The following CNTNAP3B variants were observed in gnomAD, a reference collection of about 807,000 sequenced individuals.
CNTNAP3B encodes contactin associated protein family member 3B.
Under a neutral mutation model 108.9 loss-of-function variants are expected in CNTNAP3B, and 25 were observed. The ratio of observed to expected loss-of-function variants is 0.23; its 90% CI spans 0.17 to 0.32. The LOEUF (loss-of-function observed/expected upper bound fraction) is 0.32. Ranked by LOEUF, CNTNAP3B falls within the 10% of genes least tolerant of loss-of-function variation. CNTNAP3B has a pLI of 1.00. For synonymous variants in CNTNAP3B, 103 were observed against 473.4 expected, an observed-to-expected ratio of 0.22 and a Z score of 10.16; for missense variants, 252 against 1,210.4, an observed-to-expected ratio of 0.21 and a Z score of 11.75.
At chr9:41,994,006 C>T (rs1825851345) in intron 7 of CNTNAP3B, 1 of 142,098 alleles carries the variant, frequency 7.0e-6, no homozygotes, top group Non-Finnish European at 1.5e-5. Flanking sequence ...CTGTGGTTCT[C>T]CTTATTGGCT....
At chr9:42,071,978 G>A (rs1315435091) in intron 3 of CNTNAP3B, among the ~76,000 whole-genome samples, 5 of 147,848 alleles carry the variant, frequency 3.4e-5, no homozygotes, top group East Asian at 2.0e-4. Flanking sequence ...TTTGACATCC[G>A]AAAGGAAATG....
chr9:41,937,186 G>T, intron 14 of CNTNAP3B, among the ~76,000 whole-genome samples: 1 of 148,982 alleles, frequency 6.7e-6, no homozygotes, highest in East Asian at 1.9e-4. Flanking sequence ...GGAGTGCAGT[G>T]GCGCGATCTC....
At chr9:42,018,739 G>A (rs1220128461) in intron 3 of CNTNAP3B, among the ~76,000 whole-genome samples, 4 of 151,762 alleles carry the variant, frequency 2.6e-5, no homozygotes, top group African/African-American at 9.7e-5. Context: ...ATGAACACAG[G>A]CTGCGAAGCT....
chr9:41,928,901 C>T (rs1172390102), intron 15 of CNTNAP3B, among the ~76,000 whole-genome samples: 5 of 142,334 alleles, frequency 3.5e-5, no homozygotes, highest in Admixed American at 1.4e-4. Flanking sequence ...ACATTCGGTG[C>T]CATGTAATGT....
chr9:42,024,582 C>T (rs1190028348), intron 3 of CNTNAP3B, among the ~76,000 whole-genome samples: 1 of 102,672 alleles, frequency 9.7e-6, no homozygotes, highest in African/African-American at 4.0e-5. Context: ...GCAGCAAGAA[C>T]AGACAGAAGG....
In CNTNAP3B at chr9:42,129,126, GC is replaced by G; in HGVS notation, c.-33del. The G allele has an allele frequency of 6.5e-7, 1 of 1,538,610 alleles. No homozygotes were observed. On this transcript the variant is annotated 5_prime_UTR_variant, in exon 1 of 24. Coordinates refer to ENST00000377561, the MANE Select transcript of CNTNAP3B (RefSeq NM_001201380.3). The stretch of plus-strand genomic sequence containing the variant: ...TTCAGCCAGGCGCCCTGAGACCCGG[GC>G]ACGGCGACGGCCGCTCTGCGTCGTT...
At chr9:41,917,061 T>A (rs1823535913) in intron 18 of CNTNAP3B, among the ~76,000 whole-genome samples, 1 of 151,338 alleles carries the variant, frequency 6.6e-6, no homozygotes, top group Non-Finnish European at 1.5e-5. Flanking sequence ...TTCTGTATCT[T>A]AGATTAATGA....
chr9:41,997,951 AT>A (rs1428029691), intron 5 of CNTNAP3B, among the ~76,000 whole-genome samples, 199 bp from the exon 6 acceptor site: 3 of 94,076 alleles, frequency 3.2e-5, no homozygotes, highest in African/African-American at 1.4e-4. Flanking sequence ...TTTTCTTAGT[AT>A]TTTTTCTATT....
chr9:41,940,722 G>A (rs1372206114), intron 13 of CNTNAP3B, among the ~76,000 whole-genome samples: 2 of 152,136 alleles, frequency 1.3e-5, no homozygotes, highest in Non-Finnish European at 2.9e-5. Flanking sequence ...GGCTGAGGCA[G>A]GAGAATGGCG....
intron 15 of CNTNAP3B, among the ~76,000 whole-genome samples, chr9:41,927,589 G>A (rs1823856507): frequency 2.0e-5 from 3 of 151,196 alleles, no homozygotes; most frequent in African/African-American, 4.9e-5. Flanking sequence ...GAATGGGATG[G>A]AGGAAGGAAA....
intron 15 of CNTNAP3B, among the ~76,000 whole-genome samples, chr9:41,925,089 A>G (rs1823777198): frequency 6.6e-6 from 1 of 152,010 alleles, no homozygotes; most frequent in Admixed American, 6.6e-5. Context: ...TTTCTCCAAC[A>G]TGAAGTTATT....
At position 42,057,418 on chromosome 9, in the gene CNTNAP3B, T is replaced by C. The variant is rs1417580434; in HGVS notation, c.390+19451A>G. 9.2e-5 allele frequency among the ~76,000 whole-genome samples: 9 copies of C among 97,832 alleles called. 3 individuals carry two copies. Among genetic ancestry groups the C allele is most frequent in the African/African-American group, 3.5e-4 (9 of 25,660 alleles). 64.2% of individuals were successfully genotyped at this position (97,832 alleles called of 152,430 possible). On this transcript the variant is annotated intron_variant, in intron 3 of 23. Transcript: ENST00000377561. The stretch of plus-strand genomic sequence containing the variant: ...CAGGGTTTCACCACGTTAGCTAGTC[T>C]GCTCTCAAACTCCTGACCTCAGGTG...
At chr9:41,934,664 T>C (rs1406233603) in intron 14 of CNTNAP3B, among the ~76,000 whole-genome samples, 5 of 152,304 alleles carry the variant, frequency 3.3e-5, no homozygotes, top group African/African-American at 1.2e-4. Context: ...CAGCTATATC[T>C]GCTTTCTTTT....
chr9:42,111,298 T>C (rs1472005955), intron 1 of CNTNAP3B, among the ~76,000 whole-genome samples: 1 of 139,304 alleles, frequency 7.2e-6, no homozygotes, highest in Admixed American at 7.1e-5. Flanking sequence ...TGAAAATCTA[T>C]ACTGTGCCAG....
At position 42,038,529 on chromosome 9, in the gene CNTNAP3B, A is replaced by T. The variant is rs900159911; in HGVS notation, c.391-25004T>A. On this transcript the variant is annotated intron_variant, in intron 3 of 23. Coordinates refer to ENST00000377561, the MANE Select transcript of CNTNAP3B (RefSeq NM_001201380.3). Reference sequence around the variant, plus strand: ...AAACCAACAAAGATCAAAAGAGACAAAGAAGGCCATTACATAACGGTAAAG... The same window carrying T: ...AAACCAACAAAGATCAAAAGAGACATAGAAGGCCATTACATAACGGTAAAG... Among the ~76,000 whole-genome samples the T allele has an allele frequency of 1.7e-5, 2 of 118,494 alleles. 1 individual carries two copies. Among genetic ancestry groups the T allele is most frequent in the Non-Finnish European group, 3.5e-5 (2 of 56,360 alleles). 77.7% of individuals were successfully genotyped at this position (118,494 alleles called of 152,430 possible). A position where few individuals can be genotyped will look rare whatever the true frequency, so the allele number is the denominator to read the frequency against.
chr9:41,963,013 G>A (rs528183640), intron 11 of CNTNAP3B, among the ~76,000 whole-genome samples: 1 of 152,270 alleles, frequency 6.6e-6, no homozygotes, highest in Non-Finnish European at 1.5e-5. Context: ...TATAAACAGG[G>A]ACCCTTCTAG....
intron 1 of CNTNAP3B, among the ~76,000 whole-genome samples, chr9:42,119,754 G>A (rs918239646): frequency 7.1e-5 from 10 of 140,168 alleles, no homozygotes; most frequent in African/African-American, 2.8e-4. Context: ...AATGGTGCTG[G>A]GAAAACTGGC....
rs1238765628 is a variant in CNTNAP3B at position 42,116,068 on chromosome 9, C to T, written c.86-11329G>A. ...AAACCATGGCACTAGAACTACATGA[C>T]GCATGCACAAGCTTCAGTAGCCAAT... On this transcript the variant is annotated intron_variant, in intron 1 of 23. Transcript: ENST00000377561. 2.1e-4 allele frequency among the ~76,000 whole-genome samples: 29 copies of T among 139,564 alleles called. 6 individuals carry two copies. Among genetic ancestry groups the T allele is most frequent in the East Asian group, 2.2e-4 (1 of 4,614 alleles). 91.6% of individuals were successfully genotyped at this position (139,564 alleles called of 152,430 possible).
intron 13 of CNTNAP3B, among the ~76,000 whole-genome samples, chr9:41,950,906 C>T (rs1294787974): frequency 3.3e-5 from 5 of 149,844 alleles, no homozygotes; most frequent in African/African-American, 9.9e-5. Context: ...CAGGCACCCG[C>T]CACCACACCT....
Sources: gnomAD v4.1 joint callset for allele counts (sites outside exome capture counted in the v4.1 genomes callset) on GRCh38, gnomAD v4.1.1 for gene constraint, MANE v1.5 for transcripts, NCBI Gene and HGNC (gene_info 2026-07-23, HGNC 2026-07-21) for gene names.